The following CDH13 variants were observed in gnomAD, a reference collection of about 807,000 sequenced individuals.
CDH13 encodes the protein cadherin-13.
In CDH13, 24 loss-of-function variants were observed where a neutral mutation model predicts 63.8. The ratio of observed to expected loss-of-function variants is 0.38; its 90% CI spans 0.27 to 0.53. The LOEUF is 0.53. Among genes scored for constraint, CDH13 ranks in the 20% least tolerant of loss-of-function variants. The probability of loss-of-function intolerance (pLI) is 0.85; values close to 1 mark genes in which losing one functional copy is unlikely to be tolerated. For missense variants in CDH13, 1,049 were observed against 903.1 expected (o/e 1.16, Z -2.07); for synonymous variants, 503 against 355.3 (o/e 1.42, Z -4.67).
chr16:83,085,049 C>G (rs761625546), intron 3 of CDH13, among the ~76,000 whole-genome samples: 17 of 152,092 alleles, frequency 1.1e-4, no homozygotes, highest in African/African-American at 4.1e-4. Context: ...TGGCTTTAAT[C>G]TTCATAGTTT....
At chr16:83,212,569 T>A (rs1433632181) in intron 4 of CDH13, among the ~76,000 whole-genome samples, 3 of 152,122 alleles carry the variant, frequency 2.0e-5, no homozygotes, top group African/African-American at 4.8e-5. Context: ...GACTTCCTGT[T>A]AGTGTTATAT....
intron 3 of CDH13, among the ~76,000 whole-genome samples, chr16:83,119,791 T>C (rs577449193): frequency 3.3e-5 from 5 of 152,038 alleles, no homozygotes; most frequent in Admixed American, 2.0e-4. Context: ...GTCCCAGTCA[T>C]ACAGAAACAT....
At position 83,125,365 on chromosome 16, in the gene CDH13, C is replaced by G; in HGVS notation, c.367-20C>G. On this transcript the variant is annotated intron_variant, in intron 3 of 13. Transcript: ENST00000567109. ...ATTTCAATGGGAGATTTTAATCAATCCTTTTGTTTTCCCTTTTAGGATATA... is the reference window on the plus strand; with the variant it reads ...ATTTCAATGGGAGATTTTAATCAATGCTTTTGTTTTCCCTTTTAGGATATA... 7.8e-7 allele frequency: 1 copy of G among 1,281,426 alleles called. No homozygotes were observed. Among genetic ancestry groups the G allele is most frequent in the Non-Finnish European group, 1.1e-6 (1 of 880,496 alleles). 79.4% of individuals were successfully genotyped at this position (1,281,426 alleles called of 1,614,324 possible).
intron 2 of CDH13, among the ~76,000 whole-genome samples, chr16:82,979,687 A>G (rs916564006): frequency 6.6e-6 from 1 of 152,202 alleles, no homozygotes; most frequent in Non-Finnish European, 1.5e-5. Context: ...TCCTTTATAA[A>G]TTACCCAGTC....
chr16:83,055,695 T>G (rs1156403034), intron 3 of CDH13, among the ~76,000 whole-genome samples: 1 of 152,066 alleles, frequency 6.6e-6, no homozygotes, highest in Admixed American at 6.5e-5. Context: ...ACTAATCTTA[T>G]GCAAACTCTT....
chr16:83,756,839 T>C (rs1913550179), intron 11 of CDH13, among the ~76,000 whole-genome samples: 1 of 152,192 alleles, frequency 6.6e-6, no homozygotes, highest in Admixed American at 6.5e-5. Flanking sequence ...ACAATCATTG[T>C]GGGAGTCTTA....
chr16:82,927,505 A>C (rs945057657), intron 2 of CDH13, among the ~76,000 whole-genome samples: 3 of 152,206 alleles, frequency 2.0e-5, no homozygotes, highest in African/African-American at 7.2e-5. Context: ...TAGAAGACCC[A>C]AAACAGATGT....
chr16:82,679,899 A>G (rs1407856156), intron 1 of CDH13, among the ~76,000 whole-genome samples: 1 of 152,244 alleles, frequency 6.6e-6, no homozygotes, highest in African/African-American at 2.4e-5. Flanking sequence ...TAAGATTGTC[A>G]GGATCATTAA....
At chr16:83,657,516 C>T (rs2150830624) in intron 8 of CDH13, among the ~76,000 whole-genome samples, 1 of 152,300 alleles carries the variant, frequency 6.6e-6, no homozygotes, top group African/African-American at 2.4e-5. Flanking sequence ...GACAGCCAAC[C>T]AGTAGCTCCA....
intron 7 of CDH13, among the ~76,000 whole-genome samples, chr16:83,512,668 AATAATAATAATAATAAT>A (rs1179009561): frequency 3.3e-5 from 4 of 120,014 alleles, no homozygotes; most frequent in Admixed American, 2.4e-4. Context: ...ACTCCGTCTC[AATAATAATAATAATAAT>A]ATAATAATAA....
chr16:82,734,642 G>A (rs1384477785), intron 1 of CDH13, among the ~76,000 whole-genome samples: 1 of 152,230 alleles, frequency 6.6e-6, no homozygotes, highest in Admixed American at 6.5e-5. Context: ...GAAAGCAGGG[G>A]CAGGAAGCAG....
intron 7 of CDH13, among the ~76,000 whole-genome samples, chr16:83,581,548 G>C (rs1905600163): frequency 2.0e-5 from 3 of 152,206 alleles, no homozygotes; most frequent in Admixed American, 2.0e-4. Flanking sequence ...GCCAGGCACA[G>C]TGGCTCACAC....
At chr16:82,646,304 C>G (rs1910084764) in intron 1 of CDH13, 1 of 152,240 alleles carries the variant, frequency 6.6e-6, no homozygotes, top group African/African-American at 2.4e-5. Context: ...ATTCTCGTGC[C>G]TCAGCCTCCC....
intron 8 of CDH13, among the ~76,000 whole-genome samples, chr16:83,660,284 C>T (rs935388259): frequency 2.0e-5 from 3 of 152,082 alleles, no homozygotes; most frequent in Admixed American, 6.6e-5. Context: ...GATCCCTGAG[C>T]TTGTTTTCCT....
intron 1 of CDH13, among the ~76,000 whole-genome samples, chr16:82,702,474 G>C (rs1397285230): frequency 6.6e-6 from 1 of 152,110 alleles, no homozygotes; most frequent in African/African-American, 2.4e-5. Context: ...ACACAGTGCA[G>C]GCACCATAAA....
chr16:83,334,730 A>G (rs1274238171), intron 5 of CDH13, among the ~76,000 whole-genome samples: 9 of 151,986 alleles, frequency 5.9e-5, no homozygotes, highest in African/African-American at 1.2e-4. Flanking sequence ...TGGCAACCTT[A>G]ATTTGGGAGG....
intron 2 of CDH13, chr16:82,954,783 C>G (rs1299969825): frequency 6.6e-6 from 1 of 151,586 alleles, no homozygotes; most frequent in African/African-American, 2.4e-5. Flanking sequence ...TGAGTCATAC[C>G]TCATTTTCCA....
At chr16:83,050,498 C>G (rs926360962) in intron 3 of CDH13, among the ~76,000 whole-genome samples, 1 of 152,100 alleles carries the variant, frequency 6.6e-6, no homozygotes, top group Non-Finnish European at 1.5e-5. Flanking sequence ...TATAGAAACC[C>G]ATATATTTTC....
chr16:83,256,086 T>A (rs958238030), intron 5 of CDH13, among the ~76,000 whole-genome samples: 1 of 152,208 alleles, frequency 6.6e-6, no homozygotes, highest in Admixed American at 6.5e-5. Context: ...CAGGCTGAAG[T>A]ACAGTGGCAC....
Sources: gnomAD v4.1 joint callset for allele counts (sites outside exome capture counted in the v4.1 genomes callset) on GRCh38, gnomAD v4.1.1 for gene constraint, MANE v1.5 for transcripts, NCBI Gene and HGNC (gene_info 2026-07-23, HGNC 2026-07-21) for gene names.